The following XKR6 variants were observed in gnomAD, a reference collection of about 807,000 sequenced individuals.
XKR6 encodes XK-related protein 6.
XKR6 carries 22 observed loss-of-function variants against 56.7 expected under a neutral mutation model. That is an observed-to-expected ratio of 0.39 (90% CI 0.28 to 0.55). XKR6 has a LOEUF of 0.55. Ranked by LOEUF, XKR6 falls within the 20% of genes least tolerant of loss-of-function variation. The pLI is 0.66. For synonymous variants in XKR6, 524 were observed against 387.8 expected, an observed-to-expected ratio of 1.35 and a Z score of -4.13; for missense variants, 852 against 889.0, an observed-to-expected ratio of 0.96 and a Z score of 0.53.
In XKR6 at chr8:10,913,693, G is replaced by C. The variant is rs572693360; in HGVS notation, c.961+10941C>G. Among the ~76,000 whole-genome samples the C allele has an allele frequency of 4.5e-4, 68 of 152,318 alleles. 1 individual carries two copies. The highest frequency in any genetic ancestry group is 1.5e-3 in the African/African-American group (64 of 41,568). On this transcript the variant is annotated intron_variant, in intron 2 of 2. Transcript: ENST00000416569. ...CCGTCGATGCAGATGCGGACCAGGT[G>C]TGCAAAGCCAGGCCCCTTTGGCCCC... is the stretch of plus-strand genomic sequence containing the variant.
intron 2 of XKR6, 39 bp downstream of exon 2, chr8:10,924,595 G>C: frequency 1.9e-6 from 3 of 1,573,494 alleles, no homozygotes; most frequent in South Asian, 1.2e-5. Flanking sequence ...CAGGTGGAGG[G>C]CAGGCCGGGG....
intron 1 of XKR6, among the ~76,000 whole-genome samples, chr8:11,155,317 G>A (rs929593866): frequency 6.6e-6 from 1 of 152,112 alleles, no homozygotes; most frequent in Admixed American, 6.5e-5. Flanking sequence ...ATTCCATACT[G>A]GTAGTCTGAT....
intron 1 of XKR6, among the ~76,000 whole-genome samples, chr8:11,102,728 A>C (rs1261478853): frequency 6.6e-6 from 1 of 152,164 alleles, no homozygotes; most frequent in East Asian, 1.9e-4. Context: ...ATGAGGAGGG[A>C]CAGAGCTGAC....
At chr8:11,092,719 C>T (rs1414132184) in intron 1 of XKR6, among the ~76,000 whole-genome samples, 1 of 152,234 alleles carries the variant, frequency 6.6e-6, no homozygotes, top group African/African-American at 2.4e-5. Context: ...ATTCTGCCGG[C>T]TTCTGGAGGA....
At chr8:11,021,762 T>G (rs1798754523) in intron 1 of XKR6, among the ~76,000 whole-genome samples, 2 of 152,142 alleles carry the variant, frequency 1.3e-5, no homozygotes, top group Non-Finnish European at 2.9e-5. Context: ...TTCATTCAAC[T>G]ATGCTAAGAC....
At chr8:10,989,167 A>G (rs1033617582) in intron 1 of XKR6, among the ~76,000 whole-genome samples, 12 of 152,244 alleles carry the variant, frequency 7.9e-5, no homozygotes, top group Non-Finnish European at 1.5e-5. Flanking sequence ...GATGCCTCAC[A>G]GGGGCAATAT....
At position 10,972,070 on chromosome 8, in the gene XKR6, A is replaced by G. The variant is rs1035491440; in HGVS notation, c.765-47240T>C. Among the ~76,000 whole-genome samples the G allele has an allele frequency of 3.3e-5, 5 of 152,140 alleles. No individual in the cohort carries two copies. The South Asian group carries it at 1.0e-3, about 32-fold the overall frequency. On this transcript the variant is annotated intron_variant, in intron 1 of 2. Transcript: ENST00000416569. ...ATCAGTATCTCGGACCTGTTGTTAA[A>G]TATTTCTGTTGCGAGTGCCAATCGC...
chr8:11,050,840 C>G (rs528012076), intron 1 of XKR6, among the ~76,000 whole-genome samples: 1 of 152,076 alleles, frequency 6.6e-6, no homozygotes, highest in African/African-American at 2.4e-5. Flanking sequence ...TCCCCCATTC[C>G]CCAGTGCTGC....
chr8:10,978,790 G>A (rs1016695320), intron 1 of XKR6, among the ~76,000 whole-genome samples: 11 of 152,086 alleles, frequency 7.2e-5, no homozygotes, highest in South Asian at 2.1e-4. Context: ...TCCTCCCCCC[G>A]TGCTGACGCA....
chr8:10,990,449 C>T (rs1293022426), intron 1 of XKR6, among the ~76,000 whole-genome samples: 3 of 152,066 alleles, frequency 2.0e-5, no homozygotes, highest in East Asian at 1.9e-4. Context: ...ATTTCCACAC[C>T]GGCAGTAGTT....
At chr8:11,136,485 C>G (rs34309263) in intron 1 of XKR6, among the ~76,000 whole-genome samples, 1 of 137,618 alleles carries the variant, frequency 7.3e-6, no homozygotes. Flanking sequence ...GCCCGGGCAA[C>G]AAAAGCGAAA....
At chr8:11,111,694 TGA>T (rs900346949) in intron 1 of XKR6, 3 of 152,144 alleles carry the variant, frequency 2.0e-5, no homozygotes, top group Non-Finnish European at 2.9e-5. Flanking sequence ...TAGCTGATAA[TGA>T]GAGACATGCA....
At chr8:11,063,958 G>A (rs772555944) in intron 1 of XKR6, among the ~76,000 whole-genome samples, 10 of 152,186 alleles carry the variant, frequency 6.6e-5, no homozygotes, top group Admixed American at 2.0e-4. Context: ...ACTTGCCATC[G>A]GGTCTGACAA....
chr8:11,150,020 T>C (rs1801190538), intron 1 of XKR6, among the ~76,000 whole-genome samples: 1 of 152,062 alleles, frequency 6.6e-6, no homozygotes, highest in African/African-American at 2.4e-5. Context: ...AGCTAAAAAA[T>C]TGATCTCATG....
rs190202302 is a variant in XKR6 at position 10,985,843 on chromosome 8, C to T, written c.765-61013G>A. Among the ~76,000 whole-genome samples the T allele has an allele frequency of 1.8e-3, 280 of 152,220 alleles. 5 individuals carry two copies. Among genetic ancestry groups the T allele is most frequent in the Non-Finnish European group, 4.1e-4 (28 of 68,024 alleles). ...CTGGTCTTGAACTCCCGAGCTCAAG[C>T]GATCCACCTGCCTTGGACTCCCAGA... On this transcript the variant is annotated intron_variant, in intron 1 of 2. Coordinates refer to ENST00000416569, the MANE Select transcript of XKR6 (RefSeq NM_173683.4).
chr8:11,049,462 G>T (rs1357173078), intron 1 of XKR6, among the ~76,000 whole-genome samples: 1 of 152,162 alleles, frequency 6.6e-6, no homozygotes, highest in African/African-American at 2.4e-5. Context: ...CTCTGCAGGG[G>T]GCTGCGGGAA....
At chr8:11,095,876 A>G (rs1798250718) in intron 1 of XKR6, among the ~76,000 whole-genome samples, 1 of 152,350 alleles carries the variant, frequency 6.6e-6, no homozygotes, top group South Asian at 2.1e-4. Flanking sequence ...ACTTGCTGCC[A>G]ATTAGTAATT....
At chr8:10,998,142 G>A (rs73196882) in intron 1 of XKR6, among the ~76,000 whole-genome samples, 2,558 of 151,912 alleles carry the variant, frequency 0.017, 27 homozygotes, top group Non-Finnish European at 0.026. Context: ...AGCTTCCCCC[G>A]CCAGAGAGCG....
At chr8:11,095,969 C>T (rs1798252641) in intron 1 of XKR6, among the ~76,000 whole-genome samples, 1 of 152,114 alleles carries the variant, frequency 6.6e-6, no homozygotes, top group African/African-American at 2.4e-5. Context: ...TTTTTAACCA[C>T]AAGAGCAGAA....
Sources: allele counts gnomAD v4.1 joint callset (sites outside exome capture counted in the v4.1 genomes callset), GRCh38; gene constraint gnomAD v4.1.1; transcripts MANE v1.5; gene names NCBI Gene and HGNC (gene_info 2026-07-23, HGNC 2026-07-21).